ABITRAM: variants seen among roughly 807,000 people sequenced by gnomAD.
The protein encoded by ABITRAM is actin binding transcription modulator.
In ABITRAM, 19 loss-of-function variants were observed where a neutral mutation model predicts 22.9. The observed-to-expected ratio is 0.83, with a 90% CI of 0.58 to 1.22. The LOEUF (loss-of-function observed/expected upper bound fraction) is 1.22, where lower values mean the gene tolerates loss of function less well. Ranked by LOEUF, ABITRAM falls within the 50% of genes most tolerant of loss-of-function variation. ABITRAM has a pLI of 0.00. For synonymous variants in ABITRAM, 70 were observed against 73.9 expected, an observed-to-expected ratio of 0.95 and a Z score of 0.27; for missense variants, 215 against 220.2, an observed-to-expected ratio of 0.98 and a Z score of 0.15.
chr9:108,943,830 T>C, downstream of ABITRAM: 1 of 1,609,352 alleles, frequency 6.2e-7, no homozygotes, highest in Non-Finnish European at 8.5e-7. Flanking sequence ...AAATGTAATT[T>C]AACAAGTTAT....
At chr9:108,934,652 C>G in intron 1 of ABITRAM, 87 bp downstream of exon 1, 2 of 1,214,210 alleles carry the variant, frequency 1.6e-6, no homozygotes, top group Non-Finnish European at 2.3e-6. Context: ...GCCACGCGCG[C>G]TCTCCCTGGC....
At chr9:108,950,469 A>C (rs1268434363) in intron 3 of ABITRAM, 5 of 1,542,370 alleles carry the variant, frequency 3.2e-6, no homozygotes, top group African/African-American at 2.8e-5. Flanking sequence ...ACAGCAGCAA[A>C]ATTTCTAACT....
At chr9:108,942,701 G>T, downstream of ABITRAM, 1 of 1,014,824 alleles carries the variant, frequency 9.9e-7, no homozygotes. Flanking sequence ...AAAGATAAAG[G>T]ATCATTTGAT....
chr9:108,941,943 A>G (rs1427632816), downstream of ABITRAM, among the ~76,000 whole-genome samples: 1 of 152,214 alleles, frequency 6.6e-6, no homozygotes, highest in African/African-American at 2.4e-5. Flanking sequence ...TTTATAGTGA[A>G]CATTTCAAAT....
At chr9:108,950,399 A>T in intron 3 of ABITRAM, 1 of 1,208,330 alleles carries the variant, frequency 8.3e-7, no homozygotes. Context: ...GAAGGAAACC[A>T]CCAAAGGAAT....
chr9:108,941,518 A>G (rs1035210388), downstream of ABITRAM, among the ~76,000 whole-genome samples: 1 of 152,216 alleles, frequency 6.6e-6, no homozygotes, highest in African/African-American at 2.4e-5. Context: ...GTTTAAGGAA[A>G]GATTTTAAAA....
chr9:108,939,561 G>GCAATGTA lies in ABITRAM; in HGVS notation c.421_422insCAATGTA (p.Gly141AlafsTer3). 2 of 1,613,794 alleles carry GCAATGTA rather than the reference G, an allele frequency of 1.2e-6. No individual in the cohort carries two copies. Among genetic ancestry groups the GCAATGTA allele is most frequent in the Non-Finnish European group, 1.7e-6 (2 of 1,179,944 alleles). On this transcript the variant is annotated stop_gained and frameshift_variant, in exon 6 of 6. Transcript: ENST00000322940. LOFTEE classifies it high-confidence loss of function. Reference sequence around the variant, plus strand: ...CTTTCCTTTCCAGCCATCTACTGAAGGCTACATTGCAGTTGTGTTACCCAA... The same window carrying GCAATGTA: ...CTTTCCTTTCCAGCCATCTACTGAAGCAATGTAGCTACATTGCAGTTGTGTTACCCAA...
chr9:108,936,075 C>G (rs568236662), intron 2 of ABITRAM: 1 of 537,504 alleles, frequency 1.9e-6, no homozygotes, highest in Non-Finnish European at 3.3e-6. Flanking sequence ...TGCTACCTAC[C>G]TAAAGACCTC....
At chr9:108,944,700 G>C (rs896647525), downstream of ABITRAM, among the ~76,000 whole-genome samples, 5 of 152,136 alleles carry the variant, frequency 3.3e-5, no homozygotes, top group African/African-American at 1.2e-4. Context: ...AGGGAGGAAG[G>C]CTTAGTTTTA....
chr9:108,939,162 A>G lies in ABITRAM; in HGVS notation c.262-34A>G, dbSNP rs765964972. Reference sequence around the variant, plus strand: ...TTCTCAAAGGAAAGTGGAAATGTCCATCAACTGATTACTTCTTCCGTCTCA... The same window carrying G: ...TTCTCAAAGGAAAGTGGAAATGTCCGTCAACTGATTACTTCTTCCGTCTCA... On this transcript the variant is annotated intron_variant, in intron 3 of 5. Coordinates refer to ENST00000322940, the MANE Select transcript of ABITRAM (RefSeq NM_017832.4). 6.9e-6 allele frequency: 11 copies of G among 1,587,312 alleles called. No individual in the cohort carries two copies. In the Admixed American group the frequency reaches 1.7e-4, roughly 25 times the overall value.
At chr9:108,937,983 C>A (rs941774730) in intron 3 of ABITRAM, among the ~76,000 whole-genome samples, 6 of 130,392 alleles carry the variant, frequency 4.6e-5, no homozygotes, top group Admixed American at 2.5e-4. Context: ...GATGACAGAA[C>A]AAGACCCTGT....
rs1180534211 is a variant in ABITRAM at position 108,939,666 on chromosome 9, G to A, written c.526G>A (p.Ala176Thr). The change falls in exon 6 of 6, where the codon GCC becomes ACC. Residue 176 changes from alanine (A) to threonine (T), a missense_variant. By Grantham distance (58) the Ala-to-Thr change is moderately conservative. Coordinates refer to ENST00000322940, the MANE Select transcript of ABITRAM (RefSeq NM_017832.4). ...YEEVMVKRINATTATS is the reference protein window; with the variant it reads ...YEEVMVKRINTTTATS ...AGAAGTCATGGTGAAACGCATTAAT[G>A]CCACAACAGCTACGTCATGAGGATT... 1.2e-6 allele frequency: 2 copies of A among 1,614,020 alleles called. No individual in the cohort carries two copies. The highest frequency in any genetic ancestry group is 1.7e-6 in the Non-Finnish European group (2 of 1,179,958).
chr9:108,939,337 T>A (rs764040705), intron 4 of ABITRAM, 48 bp from the exon 5 acceptor site: 2 of 1,577,480 alleles, frequency 1.3e-6, no homozygotes, highest in Non-Finnish European at 1.7e-6. Flanking sequence ...TTAGAAACAA[T>A]TTTTTTTAAC....
chr9:108,944,314 G>T (rs963294246), downstream of ABITRAM, among the ~76,000 whole-genome samples: 5 of 152,130 alleles, frequency 3.3e-5, no homozygotes, highest in African/African-American at 1.2e-4. Context: ...CACAAATTAT[G>T]TCTAGATTAC....
chr9:108,935,526 T>C, intron 1 of ABITRAM, 112 bp from the exon 2 acceptor site: 1 of 793,538 alleles, frequency 1.3e-6, no homozygotes, highest in South Asian at 1.6e-5. Flanking sequence ...GTGATCAGCA[T>C]GCAGCATGTA....
At chr9:108,935,945 A>G in intron 2 of ABITRAM, 1 of 533,790 alleles carries the variant, frequency 1.9e-6, no homozygotes, top group Non-Finnish European at 3.3e-6. Context: ...CTGCTACTTG[A>G]AGTGGCCAGT....
At chr9:108,947,367 C>G (rs1830438145) in intron 3 of ABITRAM, among the ~76,000 whole-genome samples, 1 of 152,118 alleles carries the variant, frequency 6.6e-6, no homozygotes, top group Admixed American at 6.5e-5. Context: ...CCCACCTTGG[C>G]CTCCCAAAGT....
chr9:108,934,683 G>GTCCAGT, intron 1 of ABITRAM, 118 bp downstream of exon 1: 4 of 955,596 alleles, frequency 4.2e-6, no homozygotes, highest in Non-Finnish European at 6.3e-6. Flanking sequence ...CACGTCAGAA[G>GTCCAGT]GCACTGGACT....
At chr9:108,937,390 G>A (rs972279374) in intron 3 of ABITRAM, among the ~76,000 whole-genome samples, 3 of 152,114 alleles carry the variant, frequency 2.0e-5, no homozygotes, top group African/African-American at 7.2e-5. Flanking sequence ...ATGTTAAAAT[G>A]TCTTAACAAA....
Sources: allele counts gnomAD v4.1 joint callset (sites outside exome capture counted in the v4.1 genomes callset), GRCh38; gene constraint gnomAD v4.1.1; transcripts MANE v1.5; gene names NCBI Gene and HGNC (gene_info 2026-07-23, HGNC 2026-07-21).